C21orf91: variants seen among roughly 807,000 people sequenced by gnomAD.
The protein encoded by C21orf91 is chromosome 21 open reading frame 91, also known as protein EURL homolog.
C21orf91 carries 26 observed loss-of-function variants against 32.9 expected under a neutral mutation model. The ratio of observed to expected loss-of-function variants is 0.79; its 90% CI spans 0.58 to 1.10. The LOEUF (loss-of-function observed/expected upper bound fraction) is 1.10, where lower values mean the gene tolerates loss of function less well. Among genes scored for constraint, C21orf91 ranks in the 50% least tolerant of loss-of-function variants. The pLI, the probability that C21orf91 is intolerant of heterozygous loss-of-function variation, is 0.00. For synonymous variants in C21orf91, 126 were observed against 120.4 expected (o/e 1.05, Z -0.31); for missense variants, 310 against 341.3 (o/e 0.91, Z 0.72).
At position 17,790,521 on chromosome 21, in the gene C21orf91, T is replaced by C. The variant is rs1267953526; in HGVS notation, c.*2894A>G. The C allele has an allele frequency of 1.3e-5, 2 of 152,066 alleles. No homozygotes were observed. Among genetic ancestry groups the C allele is most frequent in the African/African-American group, 4.8e-5 (2 of 41,436 alleles). The allele number at this position is 152,066 out of a possible 1,614,324, so 9.4% of individuals were successfully genotyped here. Reference sequence around the variant, plus strand: ...TAACATGAACTTGACATTGAAAAAATAATCCTTAAATGTATATAAAAATGG... The same window carrying C: ...TAACATGAACTTGACATTGAAAAAACAATCCTTAAATGTATATAAAAATGG... On this transcript the variant is annotated 3_prime_UTR_variant, in exon 5 of 5. Transcript: ENST00000284881.
At chr21:17,812,836 A>C (rs991615042) in intron 2 of C21orf91, among the ~76,000 whole-genome samples, 3 of 152,004 alleles carry the variant, frequency 2.0e-5, no homozygotes, top group Non-Finnish European at 4.4e-5. Context: ...AACAAACAAA[A>C]AAAATCCACT....
intron 2 of C21orf91, among the ~76,000 whole-genome samples, chr21:17,803,406 G>A (rs868670319): frequency 3.9e-5 from 6 of 152,256 alleles, no homozygotes; most frequent in South Asian, 2.1e-4. Context: ...TGTAGTCCCA[G>A]CTACTTAGGT....
At chr21:17,802,822 A>T (rs960841752) in intron 2 of C21orf91, among the ~76,000 whole-genome samples, 14 of 151,962 alleles carry the variant, frequency 9.2e-5, no homozygotes, top group African/African-American at 3.4e-4. Context: ...ATGTCATCTG[A>T]CTCCCTCACA....
intron 2 of C21orf91, among the ~76,000 whole-genome samples, chr21:17,800,614 T>A (rs1338367357): frequency 6.6e-6 from 1 of 152,204 alleles, no homozygotes; most frequent in African/African-American, 2.4e-5. Flanking sequence ...TAAGCAGCTT[T>A]TGAAAGGGAA....
intron 2 of C21orf91, among the ~76,000 whole-genome samples, chr21:17,806,848 C>A (rs2062598347): frequency 1.3e-5 from 2 of 151,050 alleles, no homozygotes; most frequent in Non-Finnish European, 3.0e-5. Context: ...CCAGCCCAGG[C>A]AACAAAGCCT....
chr21:17,815,204 A>G (rs1274454582), intron 2 of C21orf91, among the ~76,000 whole-genome samples: 1 of 152,196 alleles, frequency 6.6e-6, no homozygotes, highest in East Asian at 1.9e-4. Context: ...CAATCCAAAA[A>G]GTAGAAAATA....
chr21:17,815,582 T>C (rs1271242653), intron 2 of C21orf91, among the ~76,000 whole-genome samples: 3 of 152,200 alleles, frequency 2.0e-5, no homozygotes, highest in Admixed American at 2.0e-4. Context: ...CCCCCACTGA[T>C]TTCTAAAGAC....
At chr21:17,795,878 G>A (rs369787947) in intron 3 of C21orf91, among the ~76,000 whole-genome samples, 2 of 152,016 alleles carry the variant, frequency 1.3e-5, no homozygotes, top group Non-Finnish European at 2.9e-5. Context: ...TCTCCTATTC[G>A]GTTTCAGTTT....
intron 4 of C21orf91, among the ~76,000 whole-genome samples, chr21:17,794,010 C>A (rs752645534): frequency 6.6e-6 from 1 of 152,222 alleles, no homozygotes; most frequent in African/African-American, 2.4e-5. Flanking sequence ...CCTACTCTTA[C>A]GTGCCTCAGG....
At position 17,792,652 on chromosome 21, in the gene C21orf91, AT is replaced by A. The variant is rs1299768104; in HGVS notation, c.*762del. ...GAGGCTTTCATTTCTATGGAGACAAATTGACATAGAAGCCAGATTAGTCTTT... is the reference window on the plus strand; with the variant it reads ...GAGGCTTTCATTTCTATGGAGACAAATGACATAGAAGCCAGATTAGTCTTT... On this transcript the variant is annotated 3_prime_UTR_variant, in exon 5 of 5. Transcript: ENST00000284881. 1 of 152,254 alleles carries A rather than the reference AT, an allele frequency of 6.6e-6. No individual in the cohort carries two copies. The highest frequency in any genetic ancestry group is 1.5e-5 in the Non-Finnish European group (1 of 68,018). 9.4% of individuals were successfully genotyped at this position (152,254 alleles called of 1,614,324 possible). A position where few individuals can be genotyped will look rare whatever the true frequency, so the allele number is the denominator to read the frequency against.
intron 2 of C21orf91, among the ~76,000 whole-genome samples, chr21:17,810,125 A>T: frequency 6.6e-6 from 1 of 152,296 alleles, no homozygotes; most frequent in South Asian, 2.1e-4. Context: ...TAACATTTTG[A>T]TAACTCTGCA....
chr21:17,795,063 T>C (rs1364733075), intron 4 of C21orf91, 145 bp downstream of exon 4: 5 of 666,838 alleles, frequency 7.5e-6, no homozygotes, highest in Non-Finnish European at 5.3e-6. Context: ...GTTTCTTTCT[T>C]ATTCTTTTTG....
At chr21:17,803,264 T>C (rs981340918) in intron 2 of C21orf91, among the ~76,000 whole-genome samples, 3 of 152,232 alleles carry the variant, frequency 2.0e-5, no homozygotes, top group African/African-American at 7.2e-5. Flanking sequence ...CTCATGCCTA[T>C]AATCCCAGCA....
chr21:17,795,533 G>T (rs1335652212), intron 3 of C21orf91, among the ~76,000 whole-genome samples: 1 of 152,158 alleles, frequency 6.6e-6, no homozygotes, highest in Admixed American at 6.5e-5. Flanking sequence ...GCAGTGCAGT[G>T]GTGCGATCAA....
At position 17,796,648 on chromosome 21, in the gene C21orf91, C is replaced by CT. The variant is rs1307648199; in HGVS notation, c.597dup (p.Glu200ArgfsTer6). 4 of 1,613,928 alleles carry CT rather than the reference C, an allele frequency of 2.5e-6. No homozygotes were observed. In the Admixed American group the frequency reaches 6.7e-5, roughly 27 times the overall value. ...GCCTCTGGACTAGAGATTGTCTCTT[C>CT]TTTTTTCTGTGCCTGGTTGTGACTA... On this transcript the variant is annotated frameshift_variant, in exon 3 of 5. Coordinates refer to ENST00000284881, the MANE Select transcript of C21orf91 (RefSeq NM_001100420.2). LOFTEE classifies it high-confidence loss of function.
intron 2 of C21orf91, among the ~76,000 whole-genome samples, chr21:17,807,658 G>C (rs952685973): frequency 6.6e-6 from 1 of 152,224 alleles, no homozygotes. Flanking sequence ...ATGAAGTCCA[G>C]TAGTAGGTAG....
intron 2 of C21orf91, among the ~76,000 whole-genome samples, chr21:17,801,467 T>TCAC (rs2062560286): frequency 6.6e-6 from 1 of 152,104 alleles, no homozygotes; most frequent in East Asian, 1.9e-4. Context: ...AGACGGGGTT[T>TCAC]CACCGTGTTA....
At chr21:17,794,017 C>G (rs975723382) in intron 4 of C21orf91, among the ~76,000 whole-genome samples, 3 of 152,194 alleles carry the variant, frequency 2.0e-5, no homozygotes, top group African/African-American at 7.2e-5. Flanking sequence ...TTACGTGCCT[C>G]AGGCAAGCAA....
In C21orf91 at chr21:17,797,116, C is replaced by A. The variant is rs748638721; in HGVS notation, c.130G>T (p.Val44Leu). 1.9e-6 allele frequency: 3 copies of A among 1,553,168 alleles called. No individual in the cohort carries two copies. In the African/African-American group the frequency reaches 4.2e-5, roughly 22 times the overall value. ...HICFELNIEGVPKSDLLHTKS... is the reference protein window; with the variant it reads ...HICFELNIEGLPKSDLLHTKS... ...GTGTGCAAGAGATCAGACTTTGGTACCCCTATGGAAAAAAAAGAGAAACAA... is the reference window on the plus strand; with the variant it reads ...GTGTGCAAGAGATCAGACTTTGGTAACCCTATGGAAAAAAAAGAGAAACAA... The change falls in exon 3 of 5, where the codon GTA becomes TTA. Residue 44 changes from valine to leucine, a missense_variant and splice_region_variant. By Grantham distance (32) the Val-to-Leu change is conservative. Transcript: ENST00000284881.
Sources: allele counts gnomAD v4.1 joint callset (sites outside exome capture counted in the v4.1 genomes callset), GRCh38; gene constraint gnomAD v4.1.1; transcripts MANE v1.5; gene names NCBI Gene and HGNC (gene_info 2026-07-23, HGNC 2026-07-21).